CEP112: variants seen among roughly 807,000 people sequenced by gnomAD.
CEP112 encodes centrosomal protein 112.
In CEP112, 127 loss-of-function variants were observed where a neutral mutation model predicts 153.0. That is an observed-to-expected ratio of 0.83 (90% CI 0.72 to 0.96). The LOEUF (loss-of-function observed/expected upper bound fraction) is 0.96, where lower values mean the gene tolerates loss of function less well. Ranked by LOEUF, CEP112 falls within the 40% of genes least tolerant of loss-of-function variation. The pLI, the probability that CEP112 is intolerant of heterozygous loss-of-function variation, is 0.00. For missense variants in CEP112, 1,089 were observed against 1,101.2 expected, an observed-to-expected ratio of 0.99 and a Z score of 0.16; for synonymous variants, 358 against 374.4, an observed-to-expected ratio of 0.96 and a Z score of 0.51.
rs1409674079 is a variant in CEP112 at position 65,774,234 on chromosome 17, C to T, written c.2395-23510G>A. The stretch of plus-strand genomic sequence containing the variant: ...CTAGAAAAGAGGGATGGGGCATAAT[C>T]GGGAATGAAGGAGAAAATGTTTACC... On this transcript the variant is annotated intron_variant, in intron 21 of 26. Coordinates refer to ENST00000535342, the MANE Select transcript of CEP112 (RefSeq NM_001199165.4). 3.9e-5 allele frequency among the ~76,000 whole-genome samples: 6 copies of T among 152,220 alleles called. No individual in the cohort carries two copies. The East Asian group carries it at 9.6e-4, about 24-fold the overall frequency.
At chr17:65,698,880 C>A (rs372482916) in intron 23 of CEP112, among the ~76,000 whole-genome samples, 2 of 152,208 alleles carry the variant, frequency 1.3e-5, no homozygotes, top group East Asian at 1.9e-4. Flanking sequence ...CACCCCTCTT[C>A]AGTGCAAGCC....
chr17:66,161,212 G>C (rs2071687802), intron 4 of CEP112, among the ~76,000 whole-genome samples: 1 of 152,160 alleles, frequency 6.6e-6, no homozygotes, highest in African/African-American at 2.4e-5. Context: ...TGAAGAAATA[G>C]GAATGCTTTT....
At chr17:65,997,757 C>A (rs2145340204) in intron 17 of CEP112, among the ~76,000 whole-genome samples, 1 of 145,772 alleles carries the variant, frequency 6.9e-6, no homozygotes, top group East Asian at 2.1e-4. Context: ...TGTCTAGATC[C>A]CTTTCAATGC....
chr17:65,782,299 A>C (rs2054040325), intron 21 of CEP112, among the ~76,000 whole-genome samples: 1 of 152,184 alleles, frequency 6.6e-6, no homozygotes, highest in Non-Finnish European at 1.5e-5. Flanking sequence ...ATGAGATACC[A>C]TCTCACACCA....
chr17:65,660,871 A>G (rs950012705), intron 24 of CEP112, among the ~76,000 whole-genome samples: 1 of 151,992 alleles, frequency 6.6e-6, no homozygotes, highest in African/African-American at 2.4e-5. Context: ...AGAGAAACCT[A>G]ATGTCACCAT....
At chr17:65,798,651 T>G (rs1882193211) in intron 21 of CEP112, among the ~76,000 whole-genome samples, 1 of 152,224 alleles carries the variant, frequency 6.6e-6, no homozygotes, top group Non-Finnish European at 1.5e-5. Flanking sequence ...ACCTGTTATT[T>G]GTCACAAGCA....
chr17:66,061,399 C>T (rs1220004640), intron 11 of CEP112, among the ~76,000 whole-genome samples: 1 of 152,006 alleles, frequency 6.6e-6, no homozygotes, highest in East Asian at 1.9e-4. Context: ...ACTGGAACTA[C>T]CATATGATCT....
chr17:65,937,739 G>C (rs1264713647), intron 18 of CEP112, among the ~76,000 whole-genome samples: 1 of 11,882 alleles, frequency 8.4e-5, no homozygotes, highest in African/African-American at 2.6e-4. Flanking sequence ...TCTGGGAGGG[G>C]GGTGGGGGCG....
At chr17:65,853,499 G>C (rs1335118011) in intron 20 of CEP112, among the ~76,000 whole-genome samples, 3 of 152,108 alleles carry the variant, frequency 2.0e-5, no homozygotes, top group Non-Finnish European at 4.4e-5. Flanking sequence ...GGGAGGCCGA[G>C]GCGGGTGGAT....
intron 20 of CEP112, among the ~76,000 whole-genome samples, chr17:65,882,543 T>C (rs542121714): frequency 2.8e-4 from 42 of 152,232 alleles, no homozygotes; most frequent in Admixed American, 2.5e-3. Flanking sequence ...TAAAGCAATC[T>C]CTGCAGCATA....
At chr17:65,915,803 A>C (rs2143930610) in intron 19 of CEP112, among the ~76,000 whole-genome samples, 1 of 151,730 alleles carries the variant, frequency 6.6e-6, no homozygotes, top group East Asian at 1.9e-4. Context: ...AAAAAAAAAA[A>C]AAAAAGAGAA....
chr17:65,748,061 G>A (rs961738906), intron 22 of CEP112, among the ~76,000 whole-genome samples: 1 of 152,130 alleles, frequency 6.6e-6, no homozygotes. Flanking sequence ...TAAATATGGA[G>A]AGATCCAATC....
intron 12 of CEP112, among the ~76,000 whole-genome samples, chr17:66,044,448 C>T (rs1203821945): frequency 6.6e-6 from 1 of 152,150 alleles, no homozygotes; most frequent in African/African-American, 2.4e-5. Context: ...TTCACAACAG[C>T]CAAAAGGCAG....
chr17:65,810,589 C>T (rs1351954290), intron 21 of CEP112, among the ~76,000 whole-genome samples: 1 of 151,996 alleles, frequency 6.6e-6, no homozygotes, highest in East Asian at 1.9e-4. Flanking sequence ...TATGGTTTCA[C>T]TTAACAAATC....
chr17:65,823,509 T>C (rs1392635419), intron 21 of CEP112, among the ~76,000 whole-genome samples: 1 of 152,138 alleles, frequency 6.6e-6, no homozygotes, highest in Non-Finnish European at 1.5e-5. Context: ...AAAAATCTAC[T>C]CAAAATGGAC....
intron 21 of CEP112, among the ~76,000 whole-genome samples, chr17:65,815,635 C>T (rs769316014): frequency 1.2e-4 from 18 of 152,050 alleles, no homozygotes; most frequent in Non-Finnish European, 2.5e-4. Flanking sequence ...TGCCCATGAA[C>T]TTGGTATTTC....
intron 24 of CEP112, among the ~76,000 whole-genome samples, chr17:65,678,273 T>C (rs1322472256): frequency 2.0e-5 from 3 of 152,142 alleles, no homozygotes; most frequent in Non-Finnish European, 4.4e-5. Flanking sequence ...AACATAAACA[T>C]ATATATTCCT....
chr17:65,950,699 C>CTAT (rs57598697), intron 18 of CEP112, among the ~76,000 whole-genome samples: 13 of 147,184 alleles, frequency 8.8e-5, no homozygotes, highest in South Asian at 2.2e-4. Context: ...GGATACATTA[C>CTAT]TAGTAGTAGT....
chr17:65,883,676 T>C (rs1245661439), intron 20 of CEP112, among the ~76,000 whole-genome samples: 2 of 152,188 alleles, frequency 1.3e-5, no homozygotes, highest in Non-Finnish European at 2.9e-5. Flanking sequence ...CAGAAGTTTA[T>C]ATTTTACTCT....
Sources: gnomAD v4.1 joint callset for allele counts (sites outside exome capture counted in the v4.1 genomes callset) on GRCh38, gnomAD v4.1.1 for gene constraint, MANE v1.5 for transcripts, NCBI Gene and HGNC (gene_info 2026-07-23, HGNC 2026-07-21) for gene names.